The following SMIM15 variants were observed in gnomAD, a reference collection of about 807,000 sequenced individuals.
SMIM15 encodes the protein small integral membrane protein 15, also known as UPF0542 protein C5orf43.
A neutral mutation model predicts 6.8 loss-of-function variants in SMIM15; 5 were observed. That is an observed-to-expected ratio of 0.74 (90% CI 0.39 to 1.56). The LOEUF (loss-of-function observed/expected upper bound fraction) is 1.56. Ranked by LOEUF, SMIM15 falls within the 40% of genes most tolerant of loss-of-function variation. SMIM15 has a pLI of 0.03. For missense variants in SMIM15, 81 were observed against 84.8 expected (o/e 0.96, Z 0.18); for synonymous variants, 30 against 30.8 (o/e 0.97, Z 0.09).
chr5:61,161,659 C>T (rs1741418605), intron 1 of SMIM15, among the ~76,000 whole-genome samples: 3 of 152,092 alleles, frequency 2.0e-5, no homozygotes, highest in Middle Eastern at 6.8e-3. Context: ...TTTTTTGGGT[C>T]CATCATACAA....
At chr5:61,160,961 C>G (rs1270728584) in intron 2 of SMIM15, 127 bp downstream of exon 2, 1 of 152,176 alleles carries the variant, frequency 6.6e-6, no homozygotes. Context: ...GCCCCAGAGG[C>G]TTTTCTCCCT....
At chr5:61,160,953 C>T (rs1459745426) in intron 2 of SMIM15, 135 bp downstream of exon 2, 1 of 151,950 alleles carries the variant, frequency 6.6e-6, no homozygotes, top group African/African-American at 2.4e-5. Context: ...TCTATTTTGC[C>T]CCAGAGGCTT....
rs1165914345 is a variant in SMIM15 at position 61,159,844 on chromosome 5, A to T, written c.*103T>A. The stretch of plus-strand genomic sequence containing the variant: ...CATTTGGTCAAATTTCATTTACTAA[A>T]TCATACTGTCAAGAAATCCAAAGAA... On this transcript the variant is annotated 3_prime_UTR_variant, in exon 3 of 3. Transcript: ENST00000339020. 2 of 1,296,660 alleles carry T rather than the reference A, an allele frequency of 1.5e-6. No homozygotes were observed. Among genetic ancestry groups the T allele is most frequent in the Non-Finnish European group, 2.1e-6 (2 of 942,202 alleles). The allele number at this position is 1,296,660 out of a possible 1,614,324, so 80.3% of individuals were successfully genotyped here.
At position 61,160,167 on chromosome 5, in the gene SMIM15, A is replaced by G. The variant is rs748831642; in HGVS notation, c.5T>C (p.Phe2Ser). M[F>S]DIKAWAEYVV... ...ATACTCAGCCCAAGCCTTTATATCA[A>G]ACATCTTCACAGCAGTCTTATGAAA... is the stretch of plus-strand genomic sequence containing the variant. The change falls in exon 3 of 3, where the codon TTT (phenylalanine) becomes TCT (serine). Residue 2 changes from phenylalanine to serine, a missense_variant. Physicochemically the swap from Phe to Ser is radical, Grantham distance 155. Coordinates refer to ENST00000339020, the MANE Select transcript of SMIM15 (RefSeq NM_001048249.4). 2 of 1,613,532 alleles carry G rather than the reference A, an allele frequency of 1.2e-6. No homozygotes were observed. Among genetic ancestry groups the G allele is most frequent in the Admixed American group, 1.7e-5 (1 of 59,910 alleles).
intron 2 of SMIM15, among the ~76,000 whole-genome samples, chr5:61,160,508 G>A (rs1741395267): frequency 6.6e-6 from 1 of 152,106 alleles, no homozygotes; most frequent in African/African-American, 2.4e-5. Context: ...CTATATTCAA[G>A]ACAAACTTTA....
rs1382035648 is a variant in SMIM15 at position 61,158,695 on chromosome 5, G to A, written c.*1252C>T. On this transcript the variant is annotated 3_prime_UTR_variant, in exon 3 of 3. Coordinates refer to ENST00000339020, the MANE Select transcript of SMIM15 (RefSeq NM_001048249.4). ...TTTTGTAATTTAAAATTCATTAATG[G>A]GTACAGAAAACATTAATAAGCTGAC... 3 of 151,616 alleles carry A rather than the reference G, an allele frequency of 2.0e-5. No homozygotes were observed. Among genetic ancestry groups the A allele is most frequent in the African/African-American group, 7.3e-5 (3 of 41,256 alleles). 9.4% of individuals were successfully genotyped at this position (151,616 alleles called of 1,614,324 possible). A position where few individuals can be genotyped will look rare whatever the true frequency, so the allele number is the denominator to read the frequency against.
Position 61,162,223 on chromosome 5 carries a change from G to C in SMIM15, c.-175C>G, listed in dbSNP as rs1741434548. On this transcript the variant is annotated 5_prime_UTR_variant, in exon 1 of 3. Coordinates refer to ENST00000339020, the MANE Select transcript of SMIM15 (RefSeq NM_001048249.4). The surrounding 1 kb of genome is among the most constrained non-coding windows in gnomAD (Gnocchi z 4.4). ...CTCACTCTTCCCTCCTTACCCTATCGGGGCTGCAGACCCACGGAGGCCACG... is the reference window on the plus strand; with the variant it reads ...CTCACTCTTCCCTCCTTACCCTATCCGGGCTGCAGACCCACGGAGGCCACG... The C allele has an allele frequency of 6.6e-6, 1 of 152,440 alleles. No individual in the cohort carries two copies. Among genetic ancestry groups the C allele is most frequent in the Non-Finnish European group, 1.5e-5 (1 of 68,236 alleles). 9.4% of individuals were successfully genotyped at this position (152,440 alleles called of 1,614,324 possible). A position where few individuals can be genotyped will look rare whatever the true frequency, so the allele number is the denominator to read the frequency against.
rs1579860795 is a variant in SMIM15, at chr5:61,159,776, A to G, written c.*171T>C. Reference sequence around the variant, plus strand: ...CCTATAAACTTCTACACCCACGCCTAAAAGTTACTATAGTATTGAGGTCAG... The same window carrying G: ...CCTATAAACTTCTACACCCACGCCTGAAAGTTACTATAGTATTGAGGTCAG... On this transcript the variant is annotated 3_prime_UTR_variant, in exon 3 of 3. Transcript: ENST00000339020. 7.1e-6 allele frequency: 5 copies of G among 709,098 alleles called. No homozygotes were observed. Among genetic ancestry groups the G allele is most frequent in the Non-Finnish European group, 1.1e-5 (5 of 436,836 alleles). 43.9% of individuals were successfully genotyped at this position (709,098 alleles called of 1,614,324 possible).
chr5:61,158,171 T>G lies in SMIM15; in HGVS notation c.*1776A>C, dbSNP rs1741355323. On this transcript the variant is annotated 3_prime_UTR_variant, in exon 3 of 3. Coordinates refer to ENST00000339020, the MANE Select transcript of SMIM15 (RefSeq NM_001048249.4). ...AAACAGACCTTTAAATACCTTTAAG[T>G]TGTTACAACAGAACTGATGAAACCA... 6.6e-6 allele frequency: 1 copy of G among 152,188 alleles called. No homozygotes were observed. The highest frequency in any genetic ancestry group is 1.5e-5 in the Non-Finnish European group (1 of 68,030). 9.4% of individuals were successfully genotyped at this position (152,188 alleles called of 1,614,324 possible). A position where few individuals can be genotyped will look rare whatever the true frequency, so the allele number is the denominator to read the frequency against.
At chr5:61,161,994 A>T (rs1217966987) in intron 1 of SMIM15, 1 of 152,242 alleles carries the variant, frequency 6.6e-6, no homozygotes, top group East Asian at 1.9e-4. Context: ...CAGGCCACAC[A>T]TCTCCCTGCA....
At chr5:61,160,228 G>GA (rs370832512) in intron 2 of SMIM15, 29 bp from the exon 3 acceptor site, 60 of 1,501,426 alleles carry the variant, frequency 4.0e-5, no homozygotes, top group East Asian at 4.5e-5. Flanking sequence ...GAACACAGAG[G>GA]AAAAAAACAG....
In SMIM15 at chr5:61,159,869, A is replaced by G. The variant is rs1438663415; in HGVS notation, c.*78T>C. On this transcript the variant is annotated 3_prime_UTR_variant, in exon 3 of 3. Coordinates refer to ENST00000339020, the MANE Select transcript of SMIM15 (RefSeq NM_001048249.4). Reference sequence around the variant, plus strand: ...ATCATACTGTCAAGAAATCCAAAGAAGAAACTTTAGTGGATTCTTCCAAAG... The same window carrying G: ...ATCATACTGTCAAGAAATCCAAAGAGGAAACTTTAGTGGATTCTTCCAAAG... 1.3e-6 allele frequency: 2 copies of G among 1,493,128 alleles called. No individual in the cohort carries two copies. The highest frequency in any genetic ancestry group is 3.8e-5 in the Admixed American group (2 of 52,950). The allele number at this position is 1,493,128 out of a possible 1,614,324, so 92.5% of individuals were successfully genotyped here.
chr5:61,161,420 A>G (rs1741414894), intron 1 of SMIM15, among the ~76,000 whole-genome samples, 193 bp from the exon 2 acceptor site: 2 of 152,182 alleles, frequency 1.3e-5, no homozygotes, highest in South Asian at 4.1e-4. Context: ...GCCCTGTAAG[A>G]AAATCCTAAT....
chr5:61,157,775 G>C lies in SMIM15; in HGVS notation c.*2172C>G, dbSNP rs1004371733. The C allele has an allele frequency of 6.6e-6, 1 of 152,030 alleles. No homozygotes were observed. Among genetic ancestry groups the C allele is most frequent in the East Asian group, 1.9e-4 (1 of 5,200 alleles). 9.4% of individuals were successfully genotyped at this position (152,030 alleles called of 1,614,324 possible). ...AAATGTTTGTTAGAGGCAGCCAGGG[G>C]ACAGCTTTCTTTCTCCCCCAAGACC... is the stretch of plus-strand genomic sequence containing the variant. On this transcript the variant is annotated 3_prime_UTR_variant, in exon 3 of 3. Coordinates refer to ENST00000339020, the MANE Select transcript of SMIM15 (RefSeq NM_001048249.4).
At chr5:61,160,320 T>G in intron 2 of SMIM15, 121 bp from the exon 3 acceptor site, 1 of 715,932 alleles carries the variant, frequency 1.4e-6, no homozygotes, top group South Asian at 1.9e-5. Context: ...TATCACTCAG[T>G]TTGCTTTTTT....
At position 61,159,762 on chromosome 5, in the gene SMIM15, C is replaced by G; in HGVS notation, c.*185G>C. 1 of 645,646 alleles carries G rather than the reference C, an allele frequency of 1.5e-6. No homozygotes were observed. 40.0% of individuals were successfully genotyped at this position (645,646 alleles called of 1,614,324 possible). ...ACTGTCAATAGAAACCTATAAACTT[C>G]TACACCCACGCCTAAAAGTTACTAT... On this transcript the variant is annotated 3_prime_UTR_variant, in exon 3 of 3. Transcript: ENST00000339020.
intron 2 of SMIM15, among the ~76,000 whole-genome samples, chr5:61,160,600 A>G (rs1304908614): frequency 6.6e-6 from 1 of 152,162 alleles, no homozygotes; most frequent in Non-Finnish European, 1.5e-5. Flanking sequence ...TCATTTTTTG[A>G]CATATCCTTA....
At position 61,158,471 on chromosome 5, in the gene SMIM15, C is replaced by T. The variant is rs1238509966; in HGVS notation, c.*1476G>A. ...TGGTCCATAAACATTCTCAGTGGTC[C>T]TTAGGTTCTGAGAGATACAGTCCTG... On this transcript the variant is annotated 3_prime_UTR_variant, in exon 3 of 3. Coordinates refer to ENST00000339020, the MANE Select transcript of SMIM15 (RefSeq NM_001048249.4). 2.6e-5 allele frequency: 4 copies of T among 151,204 alleles called. No individual in the cohort carries two copies. Among genetic ancestry groups the T allele is most frequent in the Non-Finnish European group, 4.4e-5 (3 of 67,896 alleles). 9.4% of individuals were successfully genotyped at this position (151,204 alleles called of 1,614,324 possible). A position where few individuals can be genotyped will look rare whatever the true frequency, so the allele number is the denominator to read the frequency against.
In SMIM15 at chr5:61,159,861, T is replaced by C; in HGVS notation, c.*86A>G. On this transcript the variant is annotated 3_prime_UTR_variant, in exon 3 of 3. Coordinates refer to ENST00000339020, the MANE Select transcript of SMIM15 (RefSeq NM_001048249.4). ...TTTACTAAATCATACTGTCAAGAAA[T>C]CCAAAGAAGAAACTTTAGTGGATTC... is the stretch of plus-strand genomic sequence containing the variant. The C allele has an allele frequency of 7.0e-7, 1 of 1,436,740 alleles. No homozygotes were observed. Among genetic ancestry groups the C allele is most frequent in the Non-Finnish European group, 9.5e-7 (1 of 1,052,230 alleles). The allele number at this position is 1,436,740 out of a possible 1,614,324, so 89.0% of individuals were successfully genotyped here.
Sources: gnomAD v4.1 joint callset for allele counts (sites outside exome capture counted in the v4.1 genomes callset) on GRCh38, gnomAD v4.1.1 for gene constraint, Gnocchi (gnomAD v3.1) non-coding constraint, MANE v1.5 for transcripts, NCBI Gene and HGNC (gene_info 2026-07-23, HGNC 2026-07-21) for gene names.